Variants in PAK1IP1 observed in about 807,000 individuals in gnomAD.
The protein encoded by PAK1IP1 is PAK1 interacting protein 1.
In PAK1IP1, 24 loss-of-function variants were observed where a neutral mutation model predicts 42.0. The ratio of observed to expected loss-of-function variants is 0.57; its 90% CI spans 0.41 to 0.80. PAK1IP1 has a LOEUF of 0.80. Ranked by LOEUF, PAK1IP1 falls within the 30% of genes least tolerant of loss-of-function variation. The pLI is 0.00. For synonymous variants in PAK1IP1, 154 were observed against 156.7 expected, an observed-to-expected ratio of 0.98 and a Z score of 0.13; for missense variants, 411 against 467.9, an observed-to-expected ratio of 0.88 and a Z score of 1.12.
At chr6:10,694,592 GCCCCTA>G, upstream of PAK1IP1, 4 of 180,828 alleles carry the variant, frequency 2.2e-5, no homozygotes, top group Admixed American at 5.8e-5. Context: ...CGGCGCTACA[GCCCCTA>G]AGCAACCGGC....
At chr6:10,701,460 T>A (rs1213437029) in intron 2 of PAK1IP1, among the ~76,000 whole-genome samples, 1 of 152,260 alleles carries the variant, frequency 6.6e-6, no homozygotes, top group Admixed American at 6.5e-5. Flanking sequence ...GGACATGATC[T>A]CATTCCTTTT....
In PAK1IP1 at chr6:10,708,842, A is replaced by C. The variant is rs6912993; in HGVS notation, c.841-111A>C. ...TGAAGATTATATGTTGCTTCTGAAT[A>C]TCATATTTTGTACTCAAGAAAATAC... On this transcript the variant is annotated intron_variant, in intron 8 of 9. Coordinates refer to ENST00000379568, the MANE Select transcript of PAK1IP1 (RefSeq NM_017906.3). The C allele has an allele frequency of 0.062, 54,609 of 880,724 alleles. 13,912 individuals are homozygous for C. The African/African-American group carries it at 0.67, about 11-fold the overall frequency. The allele number at this position is 880,724 out of a possible 1,614,324, so 54.6% of individuals were successfully genotyped here. A position where few individuals can be genotyped will look rare whatever the true frequency, so the allele number is the denominator to read the frequency against.
chr6:10,700,860 C>A (rs1031877759), intron 2 of PAK1IP1, among the ~76,000 whole-genome samples: 3 of 151,822 alleles, frequency 2.0e-5, no homozygotes, highest in Non-Finnish European at 4.4e-5. Context: ...GGTACACATG[C>A]AGGATGTGCA....
intron 2 of PAK1IP1, among the ~76,000 whole-genome samples, chr6:10,698,038 A>T (rs554418278): frequency 7.2e-5 from 11 of 152,326 alleles, no homozygotes; most frequent in African/African-American, 2.6e-4. Flanking sequence ...GAGAAATGTC[A>T]GTTATTGGGC....
At chr6:10,698,831 G>A (rs1769938182) in intron 2 of PAK1IP1, among the ~76,000 whole-genome samples, 1 of 152,232 alleles carries the variant, frequency 6.6e-6, no homozygotes, top group Non-Finnish European at 1.5e-5. Flanking sequence ...CTTGGTGTGT[G>A]CGGTAGAAGG....
chr6:10,704,034 AT>A (rs1262908114), intron 5 of PAK1IP1, among the ~76,000 whole-genome samples: 5 of 150,196 alleles, frequency 3.3e-5, no homozygotes, highest in African/African-American at 9.8e-5. Context: ...ATTTTATTTT[AT>A]TTTTTGAGAT....
intron 7 of PAK1IP1, among the ~76,000 whole-genome samples, chr6:10,705,527 A>AT (rs1019153737): frequency 6.6e-6 from 1 of 151,488 alleles, no homozygotes; most frequent in Non-Finnish European, 1.5e-5. Flanking sequence ...TTTCCATGTG[A>AT]TTTTTTTTCC....
chr6:10,698,929 G>A (rs939231909), intron 2 of PAK1IP1, among the ~76,000 whole-genome samples: 1 of 152,228 alleles, frequency 6.6e-6, no homozygotes, highest in Non-Finnish European at 1.5e-5. Flanking sequence ...GGCCAGGCGC[G>A]GTGGCTCGCG....
At chr6:10,695,091 G>T in intron 1 of PAK1IP1, 22 bp downstream of exon 1, 1 of 1,524,724 alleles carries the variant, frequency 6.6e-7, no homozygotes, top group Admixed American at 1.7e-5. Context: ...CGTAGTTAGA[G>T]ACAGTCGGAG....
chr6:10,692,913 G>A (rs1769470819), upstream of PAK1IP1, among the ~76,000 whole-genome samples: 1 of 152,226 alleles, frequency 6.6e-6, no homozygotes, highest in Non-Finnish European at 1.5e-5. Flanking sequence ...CTTGAGAAGT[G>A]TTTACATTTG....
At chr6:10,703,284 C>T (rs2127480524) in intron 4 of PAK1IP1, 121 bp from the exon 5 acceptor site, 1 of 662,790 alleles carries the variant, frequency 1.5e-6, no homozygotes, top group Non-Finnish European at 2.7e-6. Flanking sequence ...AGGAAGATAG[C>T]AGGTCTTCTA....
In PAK1IP1 at chr6:10,707,408, A is replaced by G. The variant is rs1770235866; in HGVS notation, c.741-7A>G. ...GATCTTTTATGGTGTTAATATTTCTATCCTAGGGTAAAGGACATGTTCAGT... is the reference window on the plus strand; with the variant it reads ...GATCTTTTATGGTGTTAATATTTCTGTCCTAGGGTAAAGGACATGTTCAGT... On this transcript the variant is annotated splice_polypyrimidine_tract_variant and splice_region_variant and intron_variant, in intron 7 of 9. Coordinates refer to ENST00000379568, the MANE Select transcript of PAK1IP1 (RefSeq NM_017906.3). 1 of 1,483,636 alleles carries G rather than the reference A, an allele frequency of 6.7e-7. No homozygotes were observed. Among genetic ancestry groups the G allele is most frequent in the Non-Finnish European group, 9.4e-7 (1 of 1,060,914 alleles). 91.9% of individuals were successfully genotyped at this position (1,483,636 alleles called of 1,614,324 possible).
chr6:10,694,260 C>CAAAAAAAAA (rs57435593), upstream of PAK1IP1, among the ~76,000 whole-genome samples: 13 of 62,470 alleles, frequency 2.1e-4, no homozygotes, highest in African/African-American at 5.5e-4. Flanking sequence ...AACTCCGTCT[C>CAAAAAAAAA]AAAAAAAAAA....
At chr6:10,702,070 T>C (rs1169601675) in intron 2 of PAK1IP1, among the ~76,000 whole-genome samples, 3 of 152,044 alleles carry the variant, frequency 2.0e-5, no homozygotes, top group Non-Finnish European at 4.4e-5. Flanking sequence ...TGAAACACTG[T>C]ATCTACAAAA....
At chr6:10,696,402 G>GT (rs1318797223) in intron 1 of PAK1IP1, among the ~76,000 whole-genome samples, 1 of 152,024 alleles carries the variant, frequency 6.6e-6, no homozygotes, top group East Asian at 1.9e-4. Context: ...AGTTTGATGG[G>GT]TTTTTTTCTT....
At chr6:10,704,695 T>G in intron 6 of PAK1IP1, 43 bp downstream of exon 6, 1 of 1,602,698 alleles carries the variant, frequency 6.2e-7, no homozygotes, top group South Asian at 1.1e-5. Context: ...TGGTGATGGT[T>G]GGAACTGTTG....
chr6:10,694,922 T>TTTTG, upstream of PAK1IP1: 1 of 872,822 alleles, frequency 1.1e-6, no homozygotes, highest in African/African-American at 1.9e-5. Context: ...TTTTTTTTTT[T>TTTTG]GGTTTCCGGT....
rs369130493 is a variant in PAK1IP1 at position 10,702,648 on chromosome 6, T to G, written c.443+9T>G. 4 of 1,584,760 alleles carry G rather than the reference T, an allele frequency of 2.5e-6. No individual in the cohort carries two copies. Among genetic ancestry groups the G allele is most frequent in the Non-Finnish European group, 3.5e-6 (4 of 1,153,438 alleles). On this transcript the variant is annotated intron_variant, in intron 4 of 9. Coordinates refer to ENST00000379568, the MANE Select transcript of PAK1IP1 (RefSeq NM_017906.3). ...ACAGATAAAACTTTAAGGTAAGTCA[T>G]TAATGCTCAAGAGCATTTATCTAAG...
chr6:10,690,872 A>G (rs187489170), upstream of PAK1IP1, among the ~76,000 whole-genome samples: 21 of 152,354 alleles, frequency 1.4e-4, no homozygotes, highest in East Asian at 3.9e-3. Context: ...GAGGATTTAC[A>G]GGAAGTTATG....
Sources: allele counts gnomAD v4.1 joint callset (sites outside exome capture counted in the v4.1 genomes callset), GRCh38; gene constraint gnomAD v4.1.1; transcripts MANE v1.5; gene names NCBI Gene and HGNC (gene_info 2026-07-23, HGNC 2026-07-21).